The following UBXN7 variants were observed in gnomAD, a reference collection of about 807,000 sequenced individuals.
The protein encoded by UBXN7 is UBX domain protein 7.
In UBXN7, 9 loss-of-function variants were observed where a neutral mutation model predicts 58.0. The observed-to-expected ratio is 0.16, with a 90% CI of 0.09 to 0.27. The LOEUF (loss-of-function observed/expected upper bound fraction) is 0.27. Ranked by LOEUF, UBXN7 falls within the 10% of genes least tolerant of loss-of-function variation. UBXN7 has a pLI of 1.00. For missense variants in UBXN7, 328 were observed against 599.6 expected (o/e 0.55, Z 4.73); for synonymous variants, 208 against 205.0 (o/e 1.01, Z -0.12).
At chr3:196,402,559 G>A (rs1165009448) in intron 3 of UBXN7, among the ~76,000 whole-genome samples, 1 of 152,090 alleles carries the variant, frequency 6.6e-6, no homozygotes, top group Admixed American at 6.6e-5. Flanking sequence ...CATGAATGAG[G>A]GGTTACTGTG....
intron 5 of UBXN7, among the ~76,000 whole-genome samples, chr3:196,378,779 T>G (rs1305133767): frequency 6.6e-6 from 1 of 151,634 alleles, no homozygotes; most frequent in African/African-American, 2.4e-5. Context: ...CCATGTTGGT[T>G]TTGGGGGGTT....
intron 5 of UBXN7, among the ~76,000 whole-genome samples, chr3:196,376,329 G>A (rs1396988655): frequency 1.3e-5 from 2 of 151,898 alleles, no homozygotes; most frequent in African/African-American, 4.8e-5. Context: ...GATCACCTGA[G>A]GTCAGGAGTT....
At chr3:196,375,712 A>G (rs1246847681) in intron 5 of UBXN7, among the ~76,000 whole-genome samples, 1 of 152,222 alleles carries the variant, frequency 6.6e-6, no homozygotes, top group Non-Finnish European at 1.5e-5. Context: ...TCCCAGTACC[A>G]GCCAGATCAG....
At chr3:196,403,357 G>A (rs1016234678) in intron 2 of UBXN7, among the ~76,000 whole-genome samples, 4 of 152,002 alleles carry the variant, frequency 2.6e-5, no homozygotes, top group Admixed American at 6.6e-5. Context: ...TGACAGGGTC[G>A]CGCCATGTTG....
chr3:196,387,886 G>A (rs1350783523), intron 5 of UBXN7, among the ~76,000 whole-genome samples: 6 of 152,088 alleles, frequency 3.9e-5, no homozygotes, highest in East Asian at 1.9e-4. Context: ...ACAGTGTGGC[G>A]ATTCCTCAAG....
intron 10 of UBXN7, 87 bp from the exon 11 acceptor site, chr3:196,356,933 T>C: frequency 6.8e-7 from 1 of 1,461,594 alleles, no homozygotes; most frequent in Non-Finnish European, 9.2e-7. Context: ...ATTCTCTTTT[T>C]AATCATATTA....
rs1402348636 is a variant in UBXN7, at chr3:196,351,991, G to A, written c.*4694C>T. 6.6e-6 allele frequency: 1 copy of A among 152,118 alleles called. No homozygotes were observed. Among genetic ancestry groups the A allele is most frequent in the African/African-American group, 2.4e-5 (1 of 41,408 alleles). 9.4% of individuals were successfully genotyped at this position (152,118 alleles called of 1,614,324 possible). A position where few individuals can be genotyped will look rare whatever the true frequency, so the allele number is the denominator to read the frequency against. The stretch of plus-strand genomic sequence containing the variant: ...GGGATCAATAATCCTTTCCTACTTG[G>A]GTACTGGTTATGCCTTAGTGGCAGA... On this transcript the variant is annotated 3_prime_UTR_variant, in exon 11 of 11. Transcript: ENST00000296328.
intron 5 of UBXN7, among the ~76,000 whole-genome samples, chr3:196,383,226 T>C (rs1018946565): frequency 6.6e-6 from 1 of 151,692 alleles, no homozygotes; most frequent in African/African-American, 2.4e-5. Context: ...CCATTACATA[T>C]TGGTAAAGGG....
intron 3 of UBXN7, among the ~76,000 whole-genome samples, chr3:196,397,960 C>G (rs976470231): frequency 3.3e-5 from 5 of 152,184 alleles, no homozygotes; most frequent in Non-Finnish European, 5.9e-5. Flanking sequence ...GTGTCTAAGA[C>G]AGCCCCCAAT....
At chr3:196,408,831 T>G (rs979941844) in intron 1 of UBXN7, among the ~76,000 whole-genome samples, 2 of 152,254 alleles carry the variant, frequency 1.3e-5, no homozygotes, top group African/African-American at 4.8e-5. Context: ...TAGTTGCTTT[T>G]AAGACCCTCT....
At chr3:196,362,793 C>T in intron 8 of UBXN7, 106 bp from the exon 9 acceptor site, 1 of 1,363,184 alleles carries the variant, frequency 7.3e-7, no homozygotes, top group Non-Finnish European at 9.9e-7. Flanking sequence ...TTATGTTCTG[C>T]TGACTGTATC....
At chr3:196,363,644 A>C (rs1577433694) in intron 8 of UBXN7, among the ~76,000 whole-genome samples, 1 of 152,126 alleles carries the variant, frequency 6.6e-6, no homozygotes, top group East Asian at 1.9e-4. Context: ...AAATGATAAC[A>C]AAGCAAAACA....
At chr3:196,407,423 TAAA>T (rs74348613) in intron 1 of UBXN7, 30 bp from the exon 2 acceptor site, 1,260 of 1,350,662 alleles carry the variant, frequency 9.3e-4, no homozygotes, top group South Asian at 3.9e-3. Flanking sequence ...GGAAAAACGT[TAAA>T]AAAAAAAAAA....
chr3:196,381,128 G>A (rs1287872595), intron 5 of UBXN7, among the ~76,000 whole-genome samples: 1 of 152,226 alleles, frequency 6.6e-6, no homozygotes, highest in Non-Finnish European at 1.5e-5. Flanking sequence ...GAGAGCAGTG[G>A]TTCTCCCAGC....
chr3:196,419,424 G>C (rs1037668326), intron 1 of UBXN7, among the ~76,000 whole-genome samples: 1 of 152,182 alleles, frequency 6.6e-6, no homozygotes, highest in Non-Finnish European at 1.5e-5. Context: ...TTTTTTAAAA[G>C]GAAGCACATG....
chr3:196,396,175 A>G (rs1411202933), intron 3 of UBXN7, among the ~76,000 whole-genome samples: 1 of 151,842 alleles, frequency 6.6e-6, no homozygotes, highest in Non-Finnish European at 1.5e-5. Flanking sequence ...CATACTTTTC[A>G]ATCTTAGAAC....
intron 3 of UBXN7, among the ~76,000 whole-genome samples, chr3:196,398,992 A>G (rs1185999525): frequency 2.6e-5 from 4 of 152,196 alleles, no homozygotes; most frequent in Admixed American, 2.6e-4. Flanking sequence ...TCTCAGTTGT[A>G]TTGAAGTAAC....
intron 3 of UBXN7, among the ~76,000 whole-genome samples, chr3:196,398,707 C>A (rs1729854895): frequency 6.6e-6 from 1 of 152,196 alleles, no homozygotes; most frequent in South Asian, 2.1e-4. Context: ...AATCATGGCT[C>A]ATGCCTTGAC....
At chr3:196,369,539 A>G in intron 6 of UBXN7, 28 bp from the exon 7 acceptor site, 1 of 1,553,480 alleles carries the variant, frequency 6.4e-7, no homozygotes, top group Non-Finnish European at 8.8e-7. Context: ...TAAAAAAAAA[A>G]GTCAGCCTCT....
Sources: allele counts gnomAD v4.1 joint callset (sites outside exome capture counted in the v4.1 genomes callset), GRCh38; gene constraint gnomAD v4.1.1; transcripts MANE v1.5; gene names NCBI Gene and HGNC (gene_info 2026-07-23, HGNC 2026-07-21).